GABRB1: variants seen among roughly 807,000 people sequenced by gnomAD.
The protein encoded by GABRB1 is gamma-aminobutyric acid receptor subunit beta-1.
Under a neutral mutation model 51.6 loss-of-function variants are expected in GABRB1, and 17 were observed. The ratio of observed to expected loss-of-function variants is 0.33; its 90% confidence interval spans 0.23 to 0.49. The LOEUF is 0.49. Ranked by LOEUF, GABRB1 falls within the 20% of genes least tolerant of loss-of-function variation. GABRB1 has a pLI of 0.99. For missense variants in GABRB1, 410 were observed against 600.6 expected (o/e 0.68, Z 3.32); for synonymous variants, 247 against 218.9 (o/e 1.13, Z -1.14).
At chr4:47,404,528 C>CACAT (rs1175767827) in intron 7 of GABRB1, among the ~76,000 whole-genome samples, 19 of 150,858 alleles carry the variant, frequency 1.3e-4, no homozygotes, top group Admixed American at 5.3e-4. Context: ...CACACACACA[C>CACAT]ATCATTTCTG....
chr4:47,276,286 G>T (rs4586906), intron 4 of GABRB1, among the ~76,000 whole-genome samples: 91,375 of 151,916 alleles, frequency 0.6, 27,903 homozygotes, highest in South Asian at 0.8. Flanking sequence ...GCTTATATTT[G>T]GTTGTCATAA....
chr4:47,166,675 G>A (rs987997300), intron 4 of GABRB1, among the ~76,000 whole-genome samples: 1 of 151,840 alleles, frequency 6.6e-6, no homozygotes, highest in African/African-American at 2.4e-5. Flanking sequence ...TTGCATGAGG[G>A]GTGTAAGAGC....
intron 1 of GABRB1, among the ~76,000 whole-genome samples, chr4:47,026,332 G>T (rs1386664110): frequency 6.6e-6 from 1 of 151,884 alleles, no homozygotes; most frequent in Non-Finnish European, 1.5e-5. Flanking sequence ...TGTTCAGCTG[G>T]AAAGTGTTCA....
chr4:47,247,855 T>A (rs1462295386), intron 4 of GABRB1, among the ~76,000 whole-genome samples: 4 of 152,152 alleles, frequency 2.6e-5, no homozygotes, highest in African/African-American at 7.2e-5. Context: ...TACTGATTTG[T>A]GTACATTAAT....
intron 3 of GABRB1, among the ~76,000 whole-genome samples, chr4:47,080,841 C>T (rs940629408): frequency 2.0e-4 from 30 of 152,288 alleles, no homozygotes; most frequent in African/African-American, 7.0e-4. Context: ...TGGCCCATCT[C>T]TAGTTGTATT....
At chr4:47,093,575 G>A (rs77161036) in intron 3 of GABRB1, among the ~76,000 whole-genome samples, 4,710 of 151,986 alleles carry the variant, frequency 0.031, 105 homozygotes, top group Non-Finnish European at 0.048. Flanking sequence ...ATTTTTCTGC[G>A]TACAACAAAA....
intron 5 of GABRB1, among the ~76,000 whole-genome samples, chr4:47,336,603 T>C (rs1406747192): frequency 6.6e-6 from 1 of 151,976 alleles, no homozygotes; most frequent in Non-Finnish European, 1.5e-5. Flanking sequence ...GGAGAAAACC[T>C]AGGAGAGAAG....
At chr4:47,090,451 A>T (rs1281975393) in intron 3 of GABRB1, among the ~76,000 whole-genome samples, 1 of 152,220 alleles carries the variant, frequency 6.6e-6, no homozygotes, top group African/African-American at 2.4e-5. Flanking sequence ...AAATCACTCA[A>T]ATTTAAACAC....
intron 3 of GABRB1, among the ~76,000 whole-genome samples, chr4:47,101,810 G>C (rs1714736640): frequency 6.6e-6 from 1 of 151,950 alleles, no homozygotes. Context: ...CAGGTGTAGA[G>C]GGTTTTATAT....
At chr4:47,272,752 A>C (rs1246231940) in intron 4 of GABRB1, among the ~76,000 whole-genome samples, 1 of 152,188 alleles carries the variant, frequency 6.6e-6, no homozygotes, top group Non-Finnish European at 1.5e-5. Flanking sequence ...AGAAGCCAAA[A>C]TTTATTTAAC....
In GABRB1 at chr4:47,244,300, G is replaced by A. The variant is rs575097664; in HGVS notation, c.462-75827G>A. ...TTCGGTTTGCCAGTATTTTACTGAG[G>A]ATTTTTGCATCGATGTTCATCAGGG... On this transcript the variant is annotated intron_variant, in intron 4 of 8. Coordinates refer to ENST00000295454, the MANE Select transcript of GABRB1 (RefSeq NM_000812.4). Among the ~76,000 whole-genome samples the A allele has an allele frequency of 3.4e-3, 511 of 152,240 alleles. 7 individuals carry two copies. The highest frequency in any genetic ancestry group is 0.011 in the African/African-American group (460 of 41,544).
intron 5 of GABRB1, among the ~76,000 whole-genome samples, chr4:47,370,532 T>C (rs970261329): frequency 1.3e-5 from 2 of 152,044 alleles, no homozygotes; most frequent in African/African-American, 4.8e-5. Flanking sequence ...TGGGAGGCTT[T>C]AGGCAACACG....
intron 4 of GABRB1, among the ~76,000 whole-genome samples, chr4:47,224,347 A>G (rs1720873654): frequency 6.6e-6 from 1 of 152,092 alleles, no homozygotes; most frequent in Non-Finnish European, 1.5e-5. Flanking sequence ...AGTAAAGAAG[A>G]CTTTATTCAC....
chr4:47,360,256 C>T (rs1173874240), intron 5 of GABRB1, among the ~76,000 whole-genome samples: 2 of 151,638 alleles, frequency 1.3e-5, no homozygotes, highest in Admixed American at 1.3e-4. Flanking sequence ...TTGAAGAATA[C>T]AGAGAGTAGG....
intron 3 of GABRB1, among the ~76,000 whole-genome samples, chr4:47,037,540 T>C (rs553112305): frequency 9.0e-6 from 1 of 111,370 alleles, no homozygotes; most frequent in South Asian, 3.7e-4. Flanking sequence ...TTTTTTTTGT[T>C]GTTGTTGTTG....
chr4:47,424,281 A>T (rs571958777), intron 8 of GABRB1, among the ~76,000 whole-genome samples: 1 of 152,364 alleles, frequency 6.6e-6, no homozygotes, highest in Non-Finnish European at 1.5e-5. Flanking sequence ...GCTGGCACTT[A>T]CTAGCTGTGT....
chr4:47,013,295 T>C (rs1724636182), intron 1 of GABRB1, among the ~76,000 whole-genome samples: 1 of 152,136 alleles, frequency 6.6e-6, no homozygotes, highest in South Asian at 2.1e-4. Flanking sequence ...CTTTTAGAAA[T>C]AAGCTGGGTG....
At chr4:47,025,523 A>G (rs1725064179) in intron 1 of GABRB1, among the ~76,000 whole-genome samples, 1 of 151,964 alleles carries the variant, frequency 6.6e-6, no homozygotes, top group Non-Finnish European at 1.5e-5. Flanking sequence ...ACAGAAAGTA[A>G]TTAGATTATT....
chr4:47,294,528 T>C (rs1723887600), intron 4 of GABRB1, among the ~76,000 whole-genome samples: 3 of 152,292 alleles, frequency 2.0e-5, no homozygotes, highest in African/African-American at 7.2e-5. Flanking sequence ...GAGATCAAAC[T>C]GCAAGGTGGC....
Sources: gnomAD v4.1 joint callset for allele counts (sites outside exome capture counted in the v4.1 genomes callset) on GRCh38, gnomAD v4.1.1 for gene constraint, MANE v1.5 for transcripts, NCBI Gene and HGNC (gene_info 2026-07-23, HGNC 2026-07-21) for gene names.